Variants in PTPRN2 observed in about 807,000 individuals in gnomAD.
PTPRN2 encodes protein tyrosine phosphatase receptor type N2.
PTPRN2 carries 74 observed loss-of-function variants against 118.8 expected under a neutral mutation model. That is an observed-to-expected ratio of 0.62 (90% CI 0.52 to 0.76). PTPRN2 has a LOEUF of 0.76. Among genes scored for constraint, PTPRN2 ranks in the 30% least tolerant of loss-of-function variants. The pLI is 0.00. For synonymous variants in PTPRN2, 641 were observed against 608.0 expected, an observed-to-expected ratio of 1.05 and a Z score of -0.80; for missense variants, 1,481 against 1,394.4, an observed-to-expected ratio of 1.06 and a Z score of -0.99.
intron 12 of PTPRN2, among the ~76,000 whole-genome samples, chr7:157,811,437 C>T (rs562961701): frequency 1.7e-4 from 26 of 151,454 alleles, no homozygotes; most frequent in East Asian, 1.4e-3. Flanking sequence ...TCCTCTCCAT[C>T]GTGGCTGTTG....
At chr7:157,747,434 C>G (rs1384964050) in intron 12 of PTPRN2, among the ~76,000 whole-genome samples, 9 of 78,108 alleles carry the variant, frequency 1.2e-4, no homozygotes, top group South Asian at 5.5e-4. Context: ...TTGGGCTGTC[C>G]GGGTGATTCT....
At chr7:157,971,070 C>T (rs1020851224) in intron 11 of PTPRN2, among the ~76,000 whole-genome samples, 1 of 152,188 alleles carries the variant, frequency 6.6e-6, no homozygotes, top group African/African-American at 2.4e-5. Context: ...GATTTAATAA[C>T]ACACCCTTGT....
intron 2 of PTPRN2, among the ~76,000 whole-genome samples, chr7:158,434,108 C>T (rs1051755085): frequency 1.4e-4 from 21 of 151,972 alleles, no homozygotes; most frequent in Admixed American, 2.0e-4. Flanking sequence ...AAAACATTTC[C>T]GTCTAATAGA....
intron 11 of PTPRN2, among the ~76,000 whole-genome samples, chr7:157,973,501 T>G (rs763247231): frequency 1.3e-5 from 2 of 152,186 alleles, no homozygotes; most frequent in Non-Finnish European, 2.9e-5. Flanking sequence ...TTAAATAATT[T>G]TGCTAAATAA....
intron 10 of PTPRN2, among the ~76,000 whole-genome samples, chr7:158,087,972 G>A (rs375191623): frequency 3.0e-5 from 3 of 98,466 alleles, no homozygotes; most frequent in South Asian, 5.0e-4. Flanking sequence ...TTCCCCTGAT[G>A]AAAGAGGGAG....
In PTPRN2 at chr7:158,522,783, T is replaced by C. The variant is rs1024672695; in HGVS notation, c.113-32998A>G. Among the ~76,000 whole-genome samples, 7 of 152,180 alleles carry C rather than the reference T, an allele frequency of 4.6e-5. No individual in the cohort carries two copies. In the East Asian group the frequency reaches 1.2e-3, roughly 25 times the overall value. ...GTCTCCCCTGGTTCTCACGTGGACA[T>C]TGGCTTTCCTTGTCTTGAGAGCAGC... On this transcript the variant is annotated intron_variant, in intron 1 of 22. Transcript: ENST00000389418.
chr7:158,329,582 C>T (rs994866722), intron 2 of PTPRN2, among the ~76,000 whole-genome samples: 1 of 152,218 alleles, frequency 6.6e-6, no homozygotes, highest in Non-Finnish European at 1.5e-5. Flanking sequence ...GACGTCAACC[C>T]TGCCAGGGCG....
At chr7:157,970,656 C>T (rs895290437) in intron 11 of PTPRN2, among the ~76,000 whole-genome samples, 71 of 115,970 alleles carry the variant, frequency 6.1e-4, no homozygotes, top group African/African-American at 2.2e-3. Flanking sequence ...CCACAGGTTG[C>T]CCACCCCAGG....
chr7:158,009,007 C>G (rs1805857804), intron 11 of PTPRN2, among the ~76,000 whole-genome samples: 1 of 152,140 alleles, frequency 6.6e-6, no homozygotes, highest in African/African-American at 2.4e-5. Flanking sequence ...TCCCCGCACT[C>G]CCTGCACTTC....
At chr7:158,109,896 C>T (rs1306081893) in intron 10 of PTPRN2, among the ~76,000 whole-genome samples, 2 of 151,950 alleles carry the variant, frequency 1.3e-5, no homozygotes. Context: ...AATGATGTCA[C>T]CCCTGTGTGA....
chr7:158,171,308 CATATATATATATATATAT>C lies in PTPRN2; in HGVS notation c.550-4035_550-4018del, dbSNP rs71198580. ...ATATATACACACATATATATACACACATATATATATATATATATATATATATATATATATATATATACA... is the reference window on the plus strand; with the variant it reads ...ATATATACACACATATATATACACACATATATATATATATATATATATACA... On this transcript the variant is annotated intron_variant, in intron 5 of 22. Transcript: ENST00000389418. Among the ~76,000 whole-genome samples, 41 of 48,660 alleles carry C rather than the reference CATATATATATATATATAT, an allele frequency of 8.4e-4. 4 individuals carry two copies. Among genetic ancestry groups the C allele is most frequent in the South Asian group, 4.6e-3 (7 of 1,534 alleles). 31.9% of individuals were successfully genotyped at this position (48,660 alleles called of 152,430 possible). A position where few individuals can be genotyped will look rare whatever the true frequency, so the allele number is the denominator to read the frequency against.
At chr7:157,607,265 G>T (rs1024993066) in intron 15 of PTPRN2, among the ~76,000 whole-genome samples, 3 of 152,228 alleles carry the variant, frequency 2.0e-5, no homozygotes, top group African/African-American at 7.2e-5. Flanking sequence ...GTTTCACAGT[G>T]GGGCCACACA....
intron 12 of PTPRN2, among the ~76,000 whole-genome samples, chr7:157,816,896 C>T (rs1806439689): frequency 6.6e-6 from 1 of 152,256 alleles, no homozygotes; most frequent in Admixed American, 6.5e-5. Flanking sequence ...TCAGGAATAT[C>T]CCATCTTAGT....
intron 6 of PTPRN2, among the ~76,000 whole-genome samples, chr7:158,146,971 G>A (rs1304383181): frequency 3.0e-4 from 35 of 118,610 alleles, no homozygotes; most frequent in Admixed American, 9.0e-5. Context: ...CCCATCTCAC[G>A]CCACGTGTCT....
At chr7:157,798,160 G>C (rs1049607611) in intron 12 of PTPRN2, among the ~76,000 whole-genome samples, 2 of 152,250 alleles carry the variant, frequency 1.3e-5, no homozygotes, top group Non-Finnish European at 2.9e-5. Context: ...TCGGGAGACT[G>C]AGGCAGGAGA....
intron 10 of PTPRN2, among the ~76,000 whole-genome samples, chr7:158,087,390 G>A (rs897640129): frequency 6.6e-6 from 1 of 152,090 alleles, no homozygotes; most frequent in Admixed American, 6.6e-5. Context: ...GTGTCGTCCC[G>A]ATGGTCGTGC....
chr7:157,595,047 T>G (rs1375048310), intron 17 of PTPRN2, among the ~76,000 whole-genome samples, 191 bp downstream of exon 17: 1 of 152,258 alleles, frequency 6.6e-6, no homozygotes, highest in Non-Finnish European at 1.5e-5. Context: ...GGGAATTTTT[T>G]CATACTCAAG....
intron 3 of PTPRN2, among the ~76,000 whole-genome samples, chr7:158,309,473 G>T (rs1048713662): frequency 6.6e-6 from 1 of 152,090 alleles, no homozygotes; most frequent in Non-Finnish European, 1.5e-5. Context: ...CCCTGTGATC[G>T]TGAGTCAATA....
At chr7:158,342,200 C>T (rs867615696) in intron 2 of PTPRN2, among the ~76,000 whole-genome samples, 2 of 141,192 alleles carry the variant, frequency 1.4e-5, no homozygotes, top group African/African-American at 5.4e-5. Context: ...AGACGTCACT[C>T]ACACCCACAC....
Sources: allele counts gnomAD v4.1 joint callset (sites outside exome capture counted in the v4.1 genomes callset), GRCh38; gene constraint gnomAD v4.1.1; transcripts MANE v1.5; gene names NCBI Gene and HGNC (gene_info 2026-07-23, HGNC 2026-07-21).